Variants in FLI1 observed in about 807,000 individuals in gnomAD.
FLI1 encodes the protein Fli-1 proto-oncogene, ETS transcription factor, also known as Friend leukemia integration 1 transcription factor.
A neutral mutation model predicts 53.1 loss-of-function variants in FLI1; 13 were observed. That is an observed-to-expected ratio of 0.24 (90% confidence interval 0.16 to 0.39). The LOEUF is 0.39. Among genes scored for constraint, FLI1 ranks in the 10% least tolerant of loss-of-function variants. The pLI, the probability that FLI1 is intolerant of heterozygous loss-of-function variation, is 1.00. For synonymous variants in FLI1, 244 were observed against 236.7 expected (o/e 1.03, Z -0.28); for missense variants, 424 against 600.5 (o/e 0.71, Z 3.07).
At chr11:128,767,976 C>T (rs1565490086) in intron 2 of FLI1, 142 bp from the exon 3 acceptor site, 4 of 618,604 alleles carry the variant, frequency 6.5e-6, no homozygotes, top group East Asian at 2.9e-5. Context: ...AGAAAGAGGG[C>T]ATCATCATCA....
At chr11:128,699,658 T>C (rs1277393313) in intron 1 of FLI1, among the ~76,000 whole-genome samples, 1 of 152,216 alleles carries the variant, frequency 6.6e-6, no homozygotes, top group Non-Finnish European at 1.5e-5. Context: ...TGGGATGATA[T>C]CATTAAGTGA....
chr11:128,764,041 G>A (rs758386250), intron 2 of FLI1, among the ~76,000 whole-genome samples: 27 of 152,310 alleles, frequency 1.8e-4, no homozygotes, highest in Non-Finnish European at 1.8e-4. Flanking sequence ...AGCCCGCGAG[G>A]CCTCACTTTG....
chr11:128,777,104 G>T (rs959108430), intron 4 of FLI1, among the ~76,000 whole-genome samples: 1 of 152,196 alleles, frequency 6.6e-6, no homozygotes, highest in African/African-American at 2.4e-5. Flanking sequence ...TGGCAGAGGA[G>T]CCTTCGCAGC....
At chr11:128,704,166 C>T (rs893536255) in intron 1 of FLI1, among the ~76,000 whole-genome samples, 1 of 152,148 alleles carries the variant, frequency 6.6e-6, no homozygotes, top group African/African-American at 2.4e-5. Flanking sequence ...GACTCTGATC[C>T]TAGACAGGCT....
At chr11:128,786,570 T>C (rs1169638086) in intron 5 of FLI1, among the ~76,000 whole-genome samples, 1 of 152,230 alleles carries the variant, frequency 6.6e-6, no homozygotes, top group Non-Finnish European at 1.5e-5. Context: ...GTAAGAGTCC[T>C]GGAGCCAGGG....
chr11:128,686,061 C>T (rs897978669), upstream of FLI1: 1 of 310,168 alleles, frequency 3.2e-6, no homozygotes, highest in Non-Finnish European at 6.5e-6. Flanking sequence ...CCTAACCTTG[C>T]GTTAGTCTTC....
intron 2 of FLI1, among the ~76,000 whole-genome samples, chr11:128,765,154 AAG>A (rs2135825011): frequency 6.6e-6 from 1 of 152,264 alleles, no homozygotes; most frequent in East Asian, 1.9e-4. Context: ...CCACCCCAGC[AAG>A]AGAGCCCCCT....
intron 2 of FLI1, chr11:128,764,688 G>A (rs1305939118): frequency 1.3e-6 from 2 of 1,540,646 alleles, no homozygotes; most frequent in Non-Finnish European, 1.7e-6. Flanking sequence ...CTTTTATGCT[G>A]GGCTTCACCT....
rs566167866 is a variant in FLI1, at chr11:128,734,236, C to T, written c.19-23879C>T. Among the ~76,000 whole-genome samples the T allele has an allele frequency of 2.0e-5, 3 of 152,330 alleles. No homozygotes were observed. The East Asian group carries it at 5.8e-4, about 29-fold the overall frequency. ...TGCATATTAAACAGCCCTGCTTTGT[C>T]CTCCAATTCAGCCAAAACGTTTGGA... On this transcript the variant is annotated intron_variant, in intron 1 of 8. Transcript: ENST00000527786.
intron 1 of FLI1, among the ~76,000 whole-genome samples, chr11:128,714,848 A>G (rs1288993587): frequency 6.6e-6 from 1 of 151,528 alleles, no homozygotes; most frequent in Non-Finnish European, 1.5e-5. Flanking sequence ...AGCTTGGACT[A>G]CAGGCACGCA....
chr11:128,761,251 G>A (rs1168866224), intron 2 of FLI1, among the ~76,000 whole-genome samples: 2 of 152,072 alleles, frequency 1.3e-5, no homozygotes, highest in East Asian at 3.9e-4. Flanking sequence ...CTAGTCATAT[G>A]ACTCTCTCCC....
At chr11:128,737,273 A>G (rs1019098425) in intron 1 of FLI1, among the ~76,000 whole-genome samples, 1 of 152,146 alleles carries the variant, frequency 6.6e-6, no homozygotes, top group African/African-American at 2.4e-5. Flanking sequence ...ACCTCACCAC[A>G]CTATTGTCAG....
intron 1 of FLI1, among the ~76,000 whole-genome samples, chr11:128,751,826 G>GTTT: frequency 6.8e-6 from 1 of 147,472 alleles, no homozygotes; most frequent in South Asian, 2.1e-4. Flanking sequence ...TTTTTTTTGG[G>GTTT]TTTGTTTTTT....
intron 5 of FLI1, among the ~76,000 whole-genome samples, chr11:128,795,062 T>C (rs1424962163): frequency 1.3e-5 from 2 of 152,106 alleles, no homozygotes; most frequent in Admixed American, 1.3e-4. Flanking sequence ...AGCGACAGAG[T>C]GAGGCCCTGT....
Position 128,694,168 on chromosome 11 carries a change from C to A in FLI1, c.-91C>A. On this transcript the variant is annotated 5_prime_UTR_variant, in exon 1 of 9. Transcript: ENST00000527786. The stretch of plus-strand genomic sequence containing the variant: ...GGAGGGCCCAGGGCGCCAGGGAGGC[C>A]GCGCCGGGCTAATCCGAAGGGGCTG... The A allele has an allele frequency of 1.4e-6, 2 of 1,418,458 alleles. No individual in the cohort carries two copies. Among genetic ancestry groups the A allele is most frequent in the South Asian group, 1.4e-5 (1 of 69,546 alleles). The allele number at this position is 1,418,458 out of a possible 1,614,324, so 87.9% of individuals were successfully genotyped here. A position where few individuals can be genotyped will look rare whatever the true frequency, so the allele number is the denominator to read the frequency against.
intron 5 of FLI1, among the ~76,000 whole-genome samples, chr11:128,798,038 A>G (rs377707194): frequency 7.9e-4 from 120 of 152,238 alleles, no homozygotes; most frequent in South Asian, 3.3e-3. Flanking sequence ...ATTGCAACCT[A>G]TGAGGGTCGG....
intron 1 of FLI1, among the ~76,000 whole-genome samples, chr11:128,734,826 T>A (rs1939850186): frequency 6.6e-6 from 1 of 152,154 alleles, no homozygotes; most frequent in Non-Finnish European, 1.5e-5. Context: ...AACGAACAGA[T>A]AAAGATCTTG....
intron 1 of FLI1, among the ~76,000 whole-genome samples, chr11:128,727,835 C>T (rs1184166514): frequency 6.6e-6 from 1 of 152,214 alleles, no homozygotes; most frequent in Non-Finnish European, 1.5e-5. Flanking sequence ...ACAACCACAG[C>T]CCATCTCAGA....
intron 1 of FLI1, among the ~76,000 whole-genome samples, chr11:128,709,348 A>C (rs959011831): frequency 6.6e-6 from 1 of 152,206 alleles, no homozygotes; most frequent in Non-Finnish European, 1.5e-5. Flanking sequence ...CAGATAATAA[A>C]TGTAACTTAA....
Sources: gnomAD v4.1 joint callset for allele counts (sites outside exome capture counted in the v4.1 genomes callset) on GRCh38, gnomAD v4.1.1 for gene constraint, MANE v1.5 for transcripts, NCBI Gene and HGNC (gene_info 2026-07-23, HGNC 2026-07-21) for gene names.